GRID2: variants seen among roughly 807,000 people sequenced by gnomAD.
The protein encoded by GRID2 is glutamate receptor ionotropic, delta-2.
Under a neutral mutation model 114.8 loss-of-function variants are expected in GRID2, and 33 were observed. The ratio of observed to expected loss-of-function variants is 0.29; its 90% CI spans 0.22 to 0.38. GRID2 has a LOEUF of 0.38. GRID2 is among the 10% of genes least tolerant of loss of function. GRID2 has a pLI of 1.00. For synonymous variants in GRID2, 505 were observed against 449.9 expected (o/e 1.12, Z -1.55); for missense variants, 1,184 against 1,257.7 (o/e 0.94, Z 0.89).
At chr4:92,584,803 G>A (rs1728350053) in intron 1 of GRID2, among the ~76,000 whole-genome samples, 1 of 151,942 alleles carries the variant, frequency 6.6e-6, no homozygotes, top group Non-Finnish European at 1.5e-5. Context: ...TAAAATGGCA[G>A]ACATAGCTCC....
intron 2 of GRID2, among the ~76,000 whole-genome samples, chr4:92,816,836 TGAG>T (rs1400283528): frequency 5.9e-5 from 9 of 152,184 alleles, no homozygotes; most frequent in African/African-American, 2.2e-4. Context: ...TATTGAAAAT[TGAG>T]GAGAAATAAC....
chr4:93,057,021 A>C (rs1727310635), intron 2 of GRID2, among the ~76,000 whole-genome samples: 1 of 151,968 alleles, frequency 6.6e-6, no homozygotes. Context: ...ATTTTATAAA[A>C]TATTGGTAAT....
chr4:92,544,171 A>G (rs1307639181), intron 1 of GRID2, among the ~76,000 whole-genome samples: 2 of 152,130 alleles, frequency 1.3e-5, no homozygotes, highest in Non-Finnish European at 2.9e-5. Context: ...TTGCCCTGTA[A>G]TTATCTGAGC....
At chr4:93,412,340 G>C (rs938769693) in intron 9 of GRID2, among the ~76,000 whole-genome samples, 1 of 151,178 alleles carries the variant, frequency 6.6e-6, no homozygotes, top group Admixed American at 6.6e-5. Flanking sequence ...GATGTAATGA[G>C]CCGTGATTGT....
In GRID2 at chr4:92,989,901, A is replaced by T. The variant is rs185137791; in HGVS notation, c.245-95094A>T. Among the ~76,000 whole-genome samples, 500 of 152,286 alleles carry T rather than the reference A, an allele frequency of 3.3e-3. 4 individuals carry two copies. Among genetic ancestry groups the T allele is most frequent in the African/African-American group, 0.012 (485 of 41,560 alleles). ...AAAAAACATACAGAAATATTGTAAG[A>T]TTCTAAGAACATTTATTTAAAATGT... On this transcript the variant is annotated intron_variant, in intron 2 of 15. Transcript: ENST00000282020.
At chr4:93,074,643 C>A (rs994847654) in intron 2 of GRID2, among the ~76,000 whole-genome samples, 2 of 152,088 alleles carry the variant, frequency 1.3e-5, no homozygotes, top group Non-Finnish European at 1.5e-5. Context: ...TTGTGAAGAT[C>A]AGAGCCGAAA....
chr4:93,778,949 C>T (rs1411513401), downstream of GRID2, among the ~76,000 whole-genome samples: 4 of 152,034 alleles, frequency 2.6e-5, no homozygotes, highest in Admixed American at 2.6e-4. Flanking sequence ...TTGGGACTCT[C>T]AGATTGTAAT....
At chr4:92,931,249 A>C (rs1750208928) in intron 2 of GRID2, among the ~76,000 whole-genome samples, 1 of 151,060 alleles carries the variant, frequency 6.6e-6, no homozygotes, top group Admixed American at 6.6e-5. Context: ...AAGGAGAAAT[A>C]ACTTAATAGG....
Position 93,243,165 on chromosome 4 carries a change from A to T in GRID2, c.1245+4675A>T, listed in dbSNP as rs539561174. Among the ~76,000 whole-genome samples, 10 of 152,066 alleles carry T rather than the reference A, an allele frequency of 6.6e-5. 1 individual carries two copies. The South Asian group carries it at 2.1e-3, about 32-fold the overall frequency. On this transcript the variant is annotated intron_variant, in intron 8 of 15. Transcript: ENST00000282020. ...TCTTAATTTTGAAATTTTCATTTTT[A>T]TAACTCAATTATTTTTCTACTAAGC...
At chr4:92,721,775 A>T (rs1735821388) in intron 2 of GRID2, among the ~76,000 whole-genome samples, 1 of 152,202 alleles carries the variant, frequency 6.6e-6, no homozygotes, top group Admixed American at 6.6e-5. Context: ...TCTTTGTGGA[A>T]GTAGAAAAGT....
chr4:92,694,938 C>T (rs550057873), intron 2 of GRID2, among the ~76,000 whole-genome samples: 1 of 152,180 alleles, frequency 6.6e-6, no homozygotes, highest in Admixed American at 6.5e-5. Flanking sequence ...TGCTTTGATA[C>T]TCTGCATTCT....
At chr4:92,523,036 A>G (rs575232498) in intron 1 of GRID2, among the ~76,000 whole-genome samples, 1 of 152,118 alleles carries the variant, frequency 6.6e-6, no homozygotes, top group African/African-American at 2.4e-5. Flanking sequence ...AGACTGAGCT[A>G]AGGGAGAACA....
intron 2 of GRID2, among the ~76,000 whole-genome samples, chr4:92,715,354 A>G (rs1013126882): frequency 6.6e-6 from 1 of 152,066 alleles, no homozygotes; most frequent in African/African-American, 2.4e-5. Context: ...GGAATTCCAA[A>G]CACTCCCACA....
chr4:92,787,129 C>A (rs1376364517), intron 2 of GRID2, among the ~76,000 whole-genome samples: 1 of 151,804 alleles, frequency 6.6e-6, no homozygotes, highest in Non-Finnish European at 1.5e-5. Context: ...ATAGTGTAGT[C>A]CATTTATTTA....
chr4:93,677,605 G>A (rs745582442), intron 14 of GRID2, among the ~76,000 whole-genome samples: 13 of 152,116 alleles, frequency 8.5e-5, no homozygotes, highest in Non-Finnish European at 1.5e-4. Context: ...CCATCAGACA[G>A]CAGCATTCGC....
intron 3 of GRID2, among the ~76,000 whole-genome samples, chr4:93,100,654 C>T (rs1267212671): frequency 6.6e-6 from 1 of 151,996 alleles, no homozygotes; most frequent in Non-Finnish European, 1.5e-5. Flanking sequence ...GCCATAATTT[C>T]AGAAACACCA....
intron 2 of GRID2, among the ~76,000 whole-genome samples, chr4:92,868,124 CA>C (rs548059317): frequency 3.7e-4 from 55 of 148,596 alleles, no homozygotes; most frequent in African/African-American, 1.3e-3. Flanking sequence ...TTTTAATGTG[CA>C]GTTGACAAGT....
chr4:93,051,041 G>A (rs1726660244), intron 2 of GRID2, among the ~76,000 whole-genome samples: 2 of 152,008 alleles, frequency 1.3e-5, no homozygotes, highest in Admixed American at 1.3e-4. Context: ...AGAGGAAATA[G>A]TGCTCCACAT....
At chr4:93,324,837 G>C (rs1757651500) in intron 8 of GRID2, among the ~76,000 whole-genome samples, 1 of 152,112 alleles carries the variant, frequency 6.6e-6, no homozygotes, top group African/African-American at 2.4e-5. Context: ...GGTGTTTATA[G>C]TATTCTCTGG....
Sources: gnomAD v4.1 joint callset for allele counts (sites outside exome capture counted in the v4.1 genomes callset) on GRCh38, gnomAD v4.1.1 for gene constraint, MANE v1.5 for transcripts, NCBI Gene and HGNC (gene_info 2026-07-23, HGNC 2026-07-21) for gene names.